Variants in TM4SF4 observed in about 807,000 individuals in gnomAD.
TM4SF4 encodes transmembrane 4 L six family member 4.
In TM4SF4, 24 loss-of-function variants were observed where a neutral mutation model predicts 24.1. The ratio of observed to expected loss-of-function variants is 1.00; its 90% confidence interval spans 0.72 to 1.40. The LOEUF is 1.40. Ranked by LOEUF, TM4SF4 falls within the 40% of genes most tolerant of loss-of-function variation. The pLI is 0.00. For missense variants in TM4SF4, 254 were observed against 254.2 expected (o/e 1.00, Z 0.01); for synonymous variants, 113 against 97.0 (o/e 1.17, Z -0.97).
At chr3:149,475,501 C>G (rs1408740334) in intron 1 of TM4SF4, among the ~76,000 whole-genome samples, 1 of 152,164 alleles carries the variant, frequency 6.6e-6, no homozygotes, top group Admixed American at 6.5e-5. Context: ...GAATTGGGAA[C>G]CTCCGTTTGA....
chr3:149,489,227 C>A (rs1473506959), intron 3 of TM4SF4, among the ~76,000 whole-genome samples: 1 of 152,226 alleles, frequency 6.6e-6, no homozygotes, highest in Non-Finnish European at 1.5e-5. Flanking sequence ...GCTGAGCCCC[C>A]ACAACCCGCC....
At chr3:149,485,685 T>C (rs2107869897) in intron 2 of TM4SF4, among the ~76,000 whole-genome samples, 1 of 152,220 alleles carries the variant, frequency 6.6e-6, no homozygotes, top group Admixed American at 6.5e-5. Context: ...TCCTAGCTCC[T>C]TAGGAGACTG....
intron 3 of TM4SF4, among the ~76,000 whole-genome samples, chr3:149,493,251 C>A (rs1423109647): frequency 4.0e-5 from 6 of 151,546 alleles, no homozygotes; most frequent in East Asian, 3.9e-4. Flanking sequence ...AAATAAGGCT[C>A]AAAAAAAACC....
At chr3:149,489,672 A>G (rs777540176) in intron 3 of TM4SF4, among the ~76,000 whole-genome samples, 2 of 152,312 alleles carry the variant, frequency 1.3e-5, no homozygotes, top group African/African-American at 4.8e-5. Context: ...GAAGTTCTTC[A>G]TATTAGTACT....
Position 149,498,635 on chromosome 3 carries a change from A to G in TM4SF4, c.402-87A>G, listed in dbSNP as rs1734357969. 6 of 1,216,698 alleles carry G rather than the reference A, an allele frequency of 4.9e-6. No homozygotes were observed. In the East Asian group the frequency reaches 7.2e-5, roughly 15 times the overall value. 75.4% of individuals were successfully genotyped at this position (1,216,698 alleles called of 1,614,324 possible). A position where few individuals can be genotyped will look rare whatever the true frequency, so the allele number is the denominator to read the frequency against. On this transcript the variant is annotated intron_variant, in intron 3 of 4. Coordinates refer to ENST00000305354, the MANE Select transcript of TM4SF4 (RefSeq NM_004617.4). Reference sequence around the variant, plus strand: ...GCTAGTTTTGGGTGGAAAGTAGTGCATGAGAAACATTGTTATGGTAACTTT... The same window carrying G: ...GCTAGTTTTGGGTGGAAAGTAGTGCGTGAGAAACATTGTTATGGTAACTTT...
At chr3:149,475,270 G>T (rs548742064) in intron 1 of TM4SF4, among the ~76,000 whole-genome samples, 1 of 152,174 alleles carries the variant, frequency 6.6e-6, no homozygotes, top group African/African-American at 2.4e-5. Context: ...CTAAGCTTGG[G>T]CTGACAGTTC....
At chr3:149,488,196 T>C (rs1169143607) in intron 3 of TM4SF4, among the ~76,000 whole-genome samples, 1 of 152,222 alleles carries the variant, frequency 6.6e-6, no homozygotes, top group African/African-American at 2.4e-5. Flanking sequence ...TAAACAATCA[T>C]TTAAGTGCAA....
chr3:149,477,557 T>C lies in TM4SF4; in HGVS notation c.264+1645T>C, dbSNP rs529302012. On this transcript the variant is annotated intron_variant, in intron 2 of 4. Transcript: ENST00000305354. Reference sequence around the variant, plus strand: ...ATTCAATCAAAAAATATTGAGCACATGTGAAAGGCTGAGGCTGCTCCAATG... The same window carrying C: ...ATTCAATCAAAAAATATTGAGCACACGTGAAAGGCTGAGGCTGCTCCAATG... Among the ~76,000 whole-genome samples the C allele has an allele frequency of 2.3e-3, 343 of 152,370 alleles. 1 individual carries two copies. The highest frequency in any genetic ancestry group is 4.1e-3 in the South Asian group (20 of 4,828).
chr3:149,489,511 G>A (rs1471571046), intron 3 of TM4SF4, among the ~76,000 whole-genome samples: 2 of 152,194 alleles, frequency 1.3e-5, no homozygotes, highest in South Asian at 2.1e-4. Flanking sequence ...GGCCTCACAT[G>A]TTCTGACTGC....
intron 2 of TM4SF4, among the ~76,000 whole-genome samples, chr3:149,477,495 C>T (rs957985888): frequency 6.6e-6 from 1 of 152,328 alleles, no homozygotes; most frequent in East Asian, 1.9e-4. Flanking sequence ...AAACAGGATC[C>T]TTTTAACATT....
chr3:149,484,205 T>A (rs1734079762), intron 2 of TM4SF4, among the ~76,000 whole-genome samples: 1 of 152,214 alleles, frequency 6.6e-6, no homozygotes, highest in Admixed American at 6.5e-5. Context: ...TGAGTCTGAA[T>A]ACAACATTTA....
intron 2 of TM4SF4, among the ~76,000 whole-genome samples, chr3:149,481,822 A>G (rs1475333728): frequency 6.6e-6 from 1 of 152,242 alleles, no homozygotes; most frequent in African/African-American, 2.4e-5. Flanking sequence ...TATGCTATAT[A>G]CATTTCTTTA....
At chr3:149,496,206 C>T (rs1270751980) in intron 3 of TM4SF4, among the ~76,000 whole-genome samples, 1 of 151,100 alleles carries the variant, frequency 6.6e-6, no homozygotes, top group African/African-American at 2.4e-5. Context: ...TTTTAAGTTA[C>T]TAGGTTGTTT....
chr3:149,475,901 A>G lies in TM4SF4; in HGVS notation c.253A>G (p.Lys85Glu). The G allele has an allele frequency of 6.2e-7, 1 of 1,612,080 alleles. No individual in the cohort carries two copies. Among genetic ancestry groups the G allele is most frequent in the Non-Finnish European group, 8.5e-7 (1 of 1,179,148 alleles). The change falls in exon 2 of 5, where the codon AAG becomes GAG. Residue 85 changes from lysine (K) to glutamate (E), a missense_variant. Coordinates refer to ENST00000305354, the MANE Select transcript of TM4SF4 (RefSeq NM_004617.4). The part of the protein sequence containing the change: ...CGCCGNEGCG[K>E]RFAMFTSTIF... ...GTGCTGCGGCAACGAGGGCTGTGGG[A>G]AGCGATTTGCGGTGAGTTACCATGG...
chr3:149,475,891 G>A lies in TM4SF4; in HGVS notation c.243G>A (p.Glu81=), dbSNP rs916056209. 1.2e-6 allele frequency: 2 copies of A among 1,612,946 alleles called. No homozygotes were observed. The highest frequency in any genetic ancestry group is 4.5e-5 in the East Asian group (2 of 44,858). Residue 81 remains glutamate, a synonymous_variant, in exon 2 of 5, where the codon GAG becomes GAA. Transcript: ENST00000305354. ...NNDCCGCCGN[E]GCGKRFAMFT... is the part of the protein sequence containing the mutation. ...ACTGCTGTGGGTGCTGCGGCAACGAGGGCTGTGGGAAGCGATTTGCGGTGA... is the reference window on the plus strand; with the variant it reads ...ACTGCTGTGGGTGCTGCGGCAACGAAGGCTGTGGGAAGCGATTTGCGGTGA...
Position 149,474,970 on chromosome 3 carries a change from T to C in TM4SF4, c.93T>C (p.Pro31=). 6.2e-7 allele frequency: 1 copy of C among 1,613,926 alleles called. No homozygotes were observed. ...GFLANILLFF[P]GGKVIDDNDH... Reference sequence around the variant, plus strand: ...TGGCTAACATCCTGTTATTTTTTCCTGGAGGAAAAGTGATAGATGACAACG... The same window carrying C: ...TGGCTAACATCCTGTTATTTTTTCCCGGAGGAAAAGTGATAGATGACAACG... Residue 31 remains proline (P), a synonymous_variant, in exon 1 of 5, where the codon CCT becomes CCC. Transcript: ENST00000305354.
At position 149,502,842 on chromosome 3, in the gene TM4SF4, T is replaced by C. The variant is rs1734453613; in HGVS notation, c.*149T>C. 3.7e-6 allele frequency: 2 copies of C among 538,958 alleles called. No individual in the cohort carries two copies. Among genetic ancestry groups the C allele is most frequent in the South Asian group, 6.8e-5 (2 of 29,224 alleles). The allele number at this position is 538,958 out of a possible 1,614,324, so 33.4% of individuals were successfully genotyped here. On this transcript the variant is annotated 3_prime_UTR_variant, in exon 5 of 5. Coordinates refer to ENST00000305354, the MANE Select transcript of TM4SF4 (RefSeq NM_004617.4). ...CAGTTATTCCTTCTTTCCAACCAGC[T>C]TTGCTCGAGTTAGAATTTTGTTATT...
intron 4 of TM4SF4, among the ~76,000 whole-genome samples, chr3:149,501,489 C>A (rs1214259740): frequency 2.0e-5 from 3 of 152,214 alleles, no homozygotes; most frequent in Non-Finnish European, 2.9e-5. Flanking sequence ...TATTTTCTCA[C>A]CCTCTCTGTT....
At chr3:149,479,996 A>G (rs1734006073) in intron 2 of TM4SF4, among the ~76,000 whole-genome samples, 1 of 152,204 alleles carries the variant, frequency 6.6e-6, no homozygotes, top group South Asian at 2.1e-4. Flanking sequence ...CACCTGATTC[A>G]TAGTTTCTTG....
Sources: gnomAD v4.1 joint callset for allele counts (sites outside exome capture counted in the v4.1 genomes callset) on GRCh38, gnomAD v4.1.1 for gene constraint, MANE v1.5 for transcripts, NCBI Gene and HGNC (gene_info 2026-07-23, HGNC 2026-07-21) for gene names.